Variants in WASHC3 observed in about 807,000 individuals in gnomAD.
WASHC3 encodes WASH complex subunit CCDC53.
In WASHC3, 24 loss-of-function variants were observed where a neutral mutation model predicts 26.1. The ratio of observed to expected loss-of-function variants is 0.92; its 90% CI spans 0.66 to 1.29. The LOEUF (loss-of-function observed/expected upper bound fraction) is 1.29. WASHC3 is among the 50% of genes most tolerant of loss of function. WASHC3 has a pLI of 0.00. For missense variants in WASHC3, 214 were observed against 229.6 expected, an observed-to-expected ratio of 0.93 and a Z score of 0.44; for synonymous variants, 77 against 75.7, an observed-to-expected ratio of 1.02 and a Z score of -0.09.
At chr12:102,043,767 G>A (rs1036090320) in intron 4 of WASHC3, 2 of 153,408 alleles carry the variant, frequency 1.3e-5, no homozygotes, top group African/African-American at 4.8e-5. Flanking sequence ...CTATTTTTGT[G>A]TATGTTTAAA....
At chr12:102,028,374 T>C (rs1877287587) in intron 5 of WASHC3, among the ~76,000 whole-genome samples, 1 of 151,994 alleles carries the variant, frequency 6.6e-6, no homozygotes, top group Non-Finnish European at 1.5e-5. Flanking sequence ...CACAAAAAAA[T>C]ATGAGTGCCA....
chr12:102,024,178 A>G (rs1407651469), intron 6 of WASHC3, among the ~76,000 whole-genome samples: 1 of 152,214 alleles, frequency 6.6e-6, no homozygotes, highest in African/African-American at 2.4e-5. Flanking sequence ...ACAAGAGAGG[A>G]AGCTAGTGAG....
At chr12:102,041,172 A>G (rs1459628342) in intron 4 of WASHC3, among the ~76,000 whole-genome samples, 1 of 151,868 alleles carries the variant, frequency 6.6e-6, no homozygotes, top group African/African-American at 2.4e-5. Context: ...AAAAATTCCA[A>G]AACACTGTTA....
chr12:102,044,100 C>G lies in WASHC3; in HGVS notation c.324+5G>C, dbSNP rs147510623. The G allele has an allele frequency of 4.6e-6, 7 of 1,529,558 alleles. No homozygotes were observed. Among genetic ancestry groups the G allele is most frequent in the Non-Finnish European group, 6.3e-6 (7 of 1,111,572 alleles). 94.7% of individuals were successfully genotyped at this position (1,529,558 alleles called of 1,614,324 possible). ...ACATCTGCTCGTTTCTTAGAACTCACTTACCTGTGGTTGCTCTGAAGTGGC... is the reference window on the plus strand; with the variant it reads ...ACATCTGCTCGTTTCTTAGAACTCAGTTACCTGTGGTTGCTCTGAAGTGGC... On this transcript the variant is annotated splice_donor_5th_base_variant and intron_variant, in intron 4 of 6. Coordinates refer to ENST00000240079, the MANE Select transcript of WASHC3 (RefSeq NM_016053.4).
intron 6 of WASHC3, among the ~76,000 whole-genome samples, chr12:102,024,606 A>C (rs1475056509): frequency 1.3e-5 from 2 of 152,184 alleles, no homozygotes; most frequent in Non-Finnish European, 2.9e-5. Context: ...GTAGCAGGTA[A>C]AAGGCTTGGA....
In WASHC3 at chr12:102,046,207, C is replaced by G. The variant is rs545906948; in HGVS notation, c.151-88G>C. ...GGGCAGATATGAAAATATTAAAAAC[C>G]ATTAAATATTTGTCATATTCTAATA... On this transcript the variant is annotated intron_variant, in intron 2 of 6. Coordinates refer to ENST00000240079, the MANE Select transcript of WASHC3 (RefSeq NM_016053.4). 6.7e-6 allele frequency: 5 copies of G among 742,298 alleles called. No homozygotes were observed. The African/African-American group carries it at 8.9e-5, about 13-fold the overall frequency. 46.0% of individuals were successfully genotyped at this position (742,298 alleles called of 1,614,324 possible).
chr12:102,030,377 A>T lies in WASHC3; in HGVS notation c.436-4339T>A, dbSNP rs185817285. ...TTAGGATGAAATTTTCAGATTAAAT[A>T]TTATATATAATGGGTTATTGTTCAC... On this transcript the variant is annotated intron_variant, in intron 5 of 6. Transcript: ENST00000240079. Among the ~76,000 whole-genome samples the T allele has an allele frequency of 4.3e-3, 650 of 152,064 alleles. 16 individuals carry two copies. Among genetic ancestry groups the T allele is most frequent in the Non-Finnish European group, 1.2e-3 (83 of 67,980 alleles).
chr12:102,047,005 A>G (rs1043107735), intron 2 of WASHC3, among the ~76,000 whole-genome samples: 3 of 152,198 alleles, frequency 2.0e-5, no homozygotes, highest in Non-Finnish European at 4.4e-5. Flanking sequence ...ATTAAAATCT[A>G]CTATCAAAAT....
At chr12:102,057,020 A>C (rs932868680) in intron 2 of WASHC3, among the ~76,000 whole-genome samples, 1 of 152,208 alleles carries the variant, frequency 6.6e-6, no homozygotes, top group African/African-American at 2.4e-5. Flanking sequence ...ATCCTCTACA[A>C]AATACTGGCA....
intron 5 of WASHC3, 77 bp from the exon 6 acceptor site, chr12:102,026,115 A>C: frequency 1.4e-6 from 1 of 730,228 alleles, no homozygotes; most frequent in Non-Finnish European, 2.3e-6. Flanking sequence ...CTAAAACAAG[A>C]CCTTCAGATG....
chr12:102,052,518 G>A (rs1157696327), intron 2 of WASHC3, among the ~76,000 whole-genome samples: 1 of 152,062 alleles, frequency 6.6e-6, no homozygotes, highest in East Asian at 1.9e-4. Context: ...AGGCAAGACT[G>A]CATAGATTGT....
At position 102,044,005 on chromosome 12, in the gene WASHC3, ATT is replaced by A. The variant is rs554926968; in HGVS notation, c.324+98_324+99del. 4.9e-3 allele frequency: 2,627 copies of A among 539,304 alleles called. 19 individuals carry two copies. Among genetic ancestry groups the A allele is most frequent in the Non-Finnish European group, 4.9e-3 (1,497 of 303,134 alleles). 33.4% of individuals were successfully genotyped at this position (539,304 alleles called of 1,614,324 possible). ...TATGTTAAGGTTTTAAAATTTTACT[ATT>A]AGAAGTTTTACATGTTTATTTTTCT... On this transcript the variant is annotated intron_variant, in intron 4 of 6. Transcript: ENST00000240079.
At chr12:102,059,737 C>A (rs1878730109) in intron 2 of WASHC3, 1 of 152,174 alleles carries the variant, frequency 6.6e-6, no homozygotes, top group African/African-American at 2.4e-5. Context: ...GTATTTGCTT[C>A]TTTCTGCTAG....
At chr12:102,016,107 C>G (rs1449030859) in intron 6 of WASHC3, among the ~76,000 whole-genome samples, 1 of 152,188 alleles carries the variant, frequency 6.6e-6, no homozygotes, top group African/African-American at 2.4e-5. Context: ...CCAGGCTGGT[C>G]TTGAACTCCT....
Position 102,041,138 on chromosome 12 carries a change from CAT to C in WASHC3, c.325-1162_325-1161del, listed in dbSNP as rs1555202539. ...ACATATATATACACACACACACACA[CAT>C]ATTCATCTATAATACAAATACAAAA... On this transcript the variant is annotated intron_variant, in intron 4 of 6. Transcript: ENST00000240079. Among the ~76,000 whole-genome samples, 795 of 151,712 alleles carry C rather than the reference CAT, an allele frequency of 5.2e-3. 2 individuals are homozygous for C. The highest frequency in any genetic ancestry group is 0.017 in the African/African-American group (694 of 41,436).
At chr12:102,039,722 T>A in intron 5 of WASHC3, 146 bp downstream of exon 5, 1 of 415,564 alleles carries the variant, frequency 2.4e-6, no homozygotes, top group Non-Finnish European at 4.4e-6. Flanking sequence ...ATCAGAGAAT[T>A]AAAATAGAAA....
At chr12:102,026,984 A>G (rs1877221773) in intron 5 of WASHC3, among the ~76,000 whole-genome samples, 1 of 152,224 alleles carries the variant, frequency 6.6e-6, no homozygotes, top group Admixed American at 6.5e-5. Context: ...TCACCTCTCT[A>G]TTGCTGTTGC....
chr12:102,043,063 T>C (rs1437164551), intron 4 of WASHC3, among the ~76,000 whole-genome samples: 4 of 152,130 alleles, frequency 2.6e-5, no homozygotes, highest in African/African-American at 4.8e-5. Flanking sequence ...AACACACTGG[T>C]ATTTCTAAGA....
intron 6 of WASHC3, among the ~76,000 whole-genome samples, chr12:102,024,791 A>G (rs1274478645): frequency 6.6e-6 from 1 of 152,206 alleles, no homozygotes; most frequent in Non-Finnish European, 1.5e-5. Flanking sequence ...TTTACAACCT[A>G]TATATTGCAA....
Sources: gnomAD v4.1 joint callset for allele counts (sites outside exome capture counted in the v4.1 genomes callset) on GRCh38, gnomAD v4.1.1 for gene constraint, MANE v1.5 for transcripts, NCBI Gene and HGNC (gene_info 2026-07-23, HGNC 2026-07-21) for gene names.